GTF2B: variants seen among roughly 807,000 people sequenced by gnomAD.
GTF2B encodes general transcription factor IIB.
GTF2B carries 20 observed loss-of-function variants against 34.6 expected under a neutral mutation model. That is an observed-to-expected ratio of 0.58 (90% CI 0.41 to 0.84). The LOEUF (loss-of-function observed/expected upper bound fraction) is 0.84. GTF2B is among the 40% of genes least tolerant of loss of function. GTF2B has a pLI of 0.00. For synonymous variants in GTF2B, 142 were observed against 132.4 expected, an observed-to-expected ratio of 1.07 and a Z score of -0.50; for missense variants, 237 against 393.3, an observed-to-expected ratio of 0.60 and a Z score of 3.36.
rs931199167 is a variant in GTF2B, at chr1:88,870,857, G to A, written c.125-6743C>T. On this transcript the variant is annotated intron_variant, in intron 2 of 6. Transcript: ENST00000370500. ...GGAGTAAGTGTTGAGTTTATTAAAT[G>A]TCTGTCTTCCTACCAGACCACTGTG... Among the ~76,000 whole-genome samples the A allele has an allele frequency of 1.6e-4, 23 of 147,836 alleles. 1 individual carries two copies. Among genetic ancestry groups the A allele is most frequent in the Admixed American group, 6.0e-4 (9 of 14,904 alleles).
intron 6 of GTF2B, 79 bp downstream of exon 6, chr1:88,857,127 G>T (rs981555971): frequency 4.6e-6 from 6 of 1,314,830 alleles, no homozygotes; most frequent in South Asian, 4.1e-5. Context: ...CTATTTACCC[G>T]GTTCAGACTT....
At chr1:88,855,894 A>G (rs1008503613) in intron 6 of GTF2B, among the ~76,000 whole-genome samples, 2 of 152,194 alleles carry the variant, frequency 1.3e-5, no homozygotes, top group African/African-American at 4.8e-5. Context: ...CTAGTTTATG[A>G]ATTTCTTTAC....
At chr1:88,875,484 TGAG>T (rs1210832350) in intron 2 of GTF2B, among the ~76,000 whole-genome samples, 1 of 152,234 alleles carries the variant, frequency 6.6e-6, no homozygotes, top group Non-Finnish European at 1.5e-5. Flanking sequence ...GCATCTAAGA[TGAG>T]GAGCTGATGC....
intron 2 of GTF2B, among the ~76,000 whole-genome samples, chr1:88,865,821 CAA>C (rs1167197190): frequency 2.7e-5 from 4 of 149,752 alleles, no homozygotes; most frequent in African/African-American, 9.9e-5. Flanking sequence ...AAGAGGGTAA[CAA>C]GAGTGAAACT....
intron 1 of GTF2B, 192 bp from the exon 2 acceptor site, chr1:88,887,559 T>C: frequency 2.0e-6 from 1 of 505,032 alleles, no homozygotes; most frequent in East Asian, 3.7e-5. Flanking sequence ...AACTGGCAAG[T>C]AGTTTCCACT....
At chr1:88,856,480 G>A (rs1422256857) in intron 6 of GTF2B, among the ~76,000 whole-genome samples, 1 of 151,960 alleles carries the variant, frequency 6.6e-6, no homozygotes, top group Non-Finnish European at 1.5e-5. Flanking sequence ...AAAGGCTGAT[G>A]GCCAACACGT....
At chr1:88,863,369 A>T (rs1286643105) in intron 3 of GTF2B, among the ~76,000 whole-genome samples, 2 of 151,976 alleles carry the variant, frequency 1.3e-5, no homozygotes, top group Non-Finnish European at 2.9e-5. Context: ...TTTGAGACAG[A>T]GTCTCACTCT....
rs1438148692 is a variant in GTF2B, at chr1:88,853,270, A to T, written c.894T>A (p.Asp298Glu). Reference sequence around the variant, plus strand: ...CAAATTTGAAGTCTGTAGGAAACAGATCTGGGGCTCGAGGATAGATCAGTC... The same window carrying T: ...CAAATTTGAAGTCTGTAGGAAACAGTTCTGGGGCTCGAGGATAGATCAGTC... ...SYRLIYPRAP[D>E]LFPTDFKFDT... The change falls in exon 7 of 7, where the codon GAT becomes GAA. Residue 298 changes from aspartate (D) to glutamate (E), a missense_variant. This residue lies in a region of GTF2B where 78 missense variants were observed against 116.6 expected (regional missense o/e 0.67). Transcript: ENST00000370500. 2 of 1,612,634 alleles carry T rather than the reference A, an allele frequency of 1.2e-6. No individual in the cohort carries two copies. The highest frequency in any genetic ancestry group is 2.2e-5 in the South Asian group (2 of 91,062).
chr1:88,877,129 G>A (rs1306069619), intron 2 of GTF2B, among the ~76,000 whole-genome samples: 1 of 152,148 alleles, frequency 6.6e-6, no homozygotes, highest in Non-Finnish European at 1.5e-5. Context: ...ATGGAGCCTA[G>A]AATCTTTTTA....
chr1:88,866,357 C>T (rs1673560029), intron 2 of GTF2B, among the ~76,000 whole-genome samples: 1 of 152,110 alleles, frequency 6.6e-6, no homozygotes. Context: ...CTAAAGTAAG[C>T]AAATGCTCAA....
At chr1:88,887,161 C>T (rs1674091345) in intron 2 of GTF2B, 100 bp downstream of exon 2, 2 of 693,394 alleles carry the variant, frequency 2.9e-6, no homozygotes, top group Non-Finnish European at 5.1e-6. Flanking sequence ...TCAGGTGATC[C>T]TCCCACCTTG....
At chr1:88,860,737 C>A (rs978687699) in intron 3 of GTF2B, among the ~76,000 whole-genome samples, 2 of 152,022 alleles carry the variant, frequency 1.3e-5, no homozygotes, top group Non-Finnish European at 2.9e-5. Context: ...GGCAAATGAA[C>A]AAAATCAAAA....
rs150730546 is a variant in GTF2B, at chr1:88,878,294, T to C, written c.124+8967A>G. On this transcript the variant is annotated intron_variant, in intron 2 of 6. Transcript: ENST00000370500. ...GTCTCAAAAATAAAAAAATAAAAAA[T>C]TGGTTGTTTTAGAGTCACTACCAGT... 2.6e-5 allele frequency among the ~76,000 whole-genome samples: 4 copies of C among 152,132 alleles called. No individual in the cohort carries two copies. In the East Asian group the frequency reaches 7.7e-4, roughly 29 times the overall value.
rs777328322 is a variant in GTF2B at position 88,853,152 on chromosome 1, T to C, written c.*61A>G. 1 of 1,493,228 alleles carries C rather than the reference T, an allele frequency of 6.7e-7. No individual in the cohort carries two copies. The highest frequency in any genetic ancestry group is 9.3e-7 in the Non-Finnish European group (1 of 1,069,954). 92.5% of individuals were successfully genotyped at this position (1,493,228 alleles called of 1,614,324 possible). On this transcript the variant is annotated 3_prime_UTR_variant, in exon 7 of 7. Coordinates refer to ENST00000370500, the MANE Select transcript of GTF2B (RefSeq NM_001514.6). ...ATGAAAGGCTCAACCCAGCATTTTG[T>C]ATAGGCTATGTACAACAGGCAAAGT...
intron 3 of GTF2B, among the ~76,000 whole-genome samples, chr1:88,863,073 C>A (rs370428202): frequency 3.9e-5 from 6 of 152,014 alleles, no homozygotes; most frequent in Middle Eastern, 3.4e-3. Flanking sequence ...ACTCGGATAA[C>A]AGAGTGAGAA....
intron 2 of GTF2B, among the ~76,000 whole-genome samples, chr1:88,868,467 C>T (rs1047703646): frequency 2.0e-5 from 3 of 152,138 alleles, no homozygotes; most frequent in African/African-American, 7.2e-5. Context: ...GTTCCCCATC[C>T]AAAAGAGTAA....
At chr1:88,869,065 A>T (rs1223406136) in intron 2 of GTF2B, among the ~76,000 whole-genome samples, 2 of 152,136 alleles carry the variant, frequency 1.3e-5, no homozygotes, top group East Asian at 3.9e-4. Context: ...GCATCCGCGG[A>T]TTCAACCAAC....
intron 2 of GTF2B, among the ~76,000 whole-genome samples, chr1:88,865,245 A>T (rs1257693956): frequency 6.6e-6 from 1 of 152,196 alleles, no homozygotes; most frequent in Non-Finnish European, 1.5e-5. Flanking sequence ...CTTTAACCTC[A>T]TATTTTAAAG....
rs180892931 is a variant in GTF2B, at chr1:88,887,692, C to T, written c.18-325G>A. The T allele has an allele frequency of 1.8e-4, 48 of 268,588 alleles. No individual in the cohort carries two copies. The East Asian group carries it at 4.6e-3, about 26-fold the overall frequency. 16.6% of individuals were successfully genotyped at this position (268,588 alleles called of 1,614,324 possible). ...GATTAGTATAGTAATGACTAGTTACCGTAATAACCTGCAGCATTTACATTA... is the reference window on the plus strand; with the variant it reads ...GATTAGTATAGTAATGACTAGTTACTGTAATAACCTGCAGCATTTACATTA... On this transcript the variant is annotated intron_variant, in intron 1 of 6. Coordinates refer to ENST00000370500, the MANE Select transcript of GTF2B (RefSeq NM_001514.6).
Sources: allele counts gnomAD v4.1 joint callset (sites outside exome capture counted in the v4.1 genomes callset), GRCh38; gene constraint gnomAD v4.1.1; regional missense constraint gnomAD v4.1.1; transcripts MANE v1.5; gene names NCBI Gene and HGNC (gene_info 2026-07-23, HGNC 2026-07-21).